The following ZFYVE9 variants were observed in gnomAD, a reference collection of about 807,000 sequenced individuals.
The protein encoded by ZFYVE9 is zinc finger FYVE domain-containing protein 9.
A neutral mutation model predicts 126.7 loss-of-function variants in ZFYVE9; 43 were observed. The ratio of observed to expected loss-of-function variants is 0.34; its 90% CI spans 0.27 to 0.44. The LOEUF is 0.44. Ranked by LOEUF, ZFYVE9 falls within the 20% of genes least tolerant of loss-of-function variation. The pLI is 1.00. For synonymous variants in ZFYVE9, 521 were observed against 597.4 expected, an observed-to-expected ratio of 0.87 and a Z score of 1.87; for missense variants, 1,476 against 1,697.0, an observed-to-expected ratio of 0.87 and a Z score of 2.29.
intron 6 of ZFYVE9, 85 bp downstream of exon 6, chr1:52,266,916 TAAA>T: frequency 7.8e-7 from 1 of 1,274,436 alleles, no homozygotes; most frequent in South Asian, 1.7e-5. Context: ...GCACAAGTCT[TAAA>T]AAACACTGCA....
chr1:52,209,442 C>T (rs1281356619), intron 1 of ZFYVE9, among the ~76,000 whole-genome samples: 1 of 151,982 alleles, frequency 6.6e-6, no homozygotes, highest in East Asian at 1.9e-4. Context: ...ATTTATAATT[C>T]CAGAACATTT....
At position 52,238,029 on chromosome 1, in the gene ZFYVE9, A is replaced by C; in HGVS notation, c.612A>C (p.Glu204Asp). Reference protein sequence around the residue: ...QFSFSINESTEKDMNSEKQMD... With the variant: ...QFSFSINESTDKDMNSEKQMD... The stretch of plus-strand genomic sequence containing the variant: ...GTTTTAGTATAAATGAGTCCACTGA[A>C]AAAGATATGAATTCAGAGAAACAAA... Residue 204 changes from glutamate to aspartate, a missense_variant, in exon 4 of 19, where the codon GAA becomes GAC. Glu to Asp is a conservative substitution (Grantham distance 45, BLOSUM62 2). This residue lies in a region of ZFYVE9 where 807 missense variants were observed against 794.6 expected (regional missense o/e 1.02). Transcript: ENST00000287727. 6.2e-7 allele frequency: 1 copy of C among 1,613,980 alleles called. No homozygotes were observed. The highest frequency in any genetic ancestry group is 8.5e-7 in the Non-Finnish European group (1 of 1,179,940).
intron 4 of ZFYVE9, among the ~76,000 whole-genome samples, chr1:52,255,900 TTTCTTTTCTTTTCTTTTCTTTTC>T (rs1645503511): frequency 4.0e-5 from 1 of 25,008 alleles, no homozygotes; most frequent in Non-Finnish European, 8.3e-5. Flanking sequence ...ATTTTGCTTT[TTTCTTTTCTTTTCTTTTCTTTTC>T]TTTTCTTTTC....
At chr1:52,144,752 T>TATA (rs1420134926) in intron 1 of ZFYVE9, among the ~76,000 whole-genome samples, 1 of 152,128 alleles carries the variant, frequency 6.6e-6, no homozygotes, top group Non-Finnish European at 1.5e-5. Context: ...AACCATTTAT[T>TATA]GAGAGCCTCC....
chr1:52,289,423 T>C (rs144998587), intron 10 of ZFYVE9, among the ~76,000 whole-genome samples: 1 of 152,222 alleles, frequency 6.6e-6, no homozygotes, highest in Non-Finnish European at 1.5e-5. Flanking sequence ...AAAATTACTT[T>C]ATAAACCATT....
chr1:52,195,002 A>C (rs1644847450), intron 1 of ZFYVE9, among the ~76,000 whole-genome samples: 1 of 152,182 alleles, frequency 6.6e-6, no homozygotes, highest in Non-Finnish European at 1.5e-5. Flanking sequence ...TTATAATAAT[A>C]TATAACAATA....
intron 1 of ZFYVE9, among the ~76,000 whole-genome samples, chr1:52,206,646 G>A (rs1218772416): frequency 6.6e-6 from 1 of 152,222 alleles, no homozygotes; most frequent in African/African-American, 2.4e-5. Context: ...CACCTCCCAG[G>A]TTCAAGCATT....
intron 13 of ZFYVE9, among the ~76,000 whole-genome samples, chr1:52,320,015 CAAAAAA>C (rs199572576): frequency 2.2e-5 from 3 of 134,506 alleles, no homozygotes; most frequent in Admixed American, 7.4e-5. Context: ...GATTCTGTCT[CAAAAAA>C]AAAAAAAAAA....
chr1:52,173,330 T>C (rs1644591183), intron 1 of ZFYVE9, among the ~76,000 whole-genome samples: 2 of 152,170 alleles, frequency 1.3e-5, no homozygotes, highest in African/African-American at 2.4e-5. Flanking sequence ...ATTGAACTGG[T>C]CTTGCATCCC....
At chr1:52,172,057 A>G (rs1186284560) in intron 1 of ZFYVE9, among the ~76,000 whole-genome samples, 1 of 151,982 alleles carries the variant, frequency 6.6e-6, no homozygotes, top group Non-Finnish European at 1.5e-5. Flanking sequence ...TTGGTGTTTT[A>G]GACATGAAGT....
At chr1:52,215,926 A>G (rs770211616) in intron 1 of ZFYVE9, among the ~76,000 whole-genome samples, 2 of 152,228 alleles carry the variant, frequency 1.3e-5, no homozygotes, top group African/African-American at 2.4e-5. Flanking sequence ...TAAAAATCAC[A>G]ACTGGAAACT....
At chr1:52,227,878 A>T (rs553077376) in intron 2 of ZFYVE9, among the ~76,000 whole-genome samples, 1 of 152,180 alleles carries the variant, frequency 6.6e-6, no homozygotes, top group East Asian at 1.9e-4. Flanking sequence ...ATAAATTTCT[A>T]TGTTTGCAGC....
intron 2 of ZFYVE9, among the ~76,000 whole-genome samples, chr1:52,222,809 G>T (rs773872164): frequency 5.9e-5 from 9 of 152,192 alleles, no homozygotes; most frequent in Non-Finnish European, 8.8e-5. Flanking sequence ...CAGGTTTAAG[G>T]AAGTAAGTTT....
chr1:52,239,902 TAAGG>T (rs1572127229), intron 4 of ZFYVE9, among the ~76,000 whole-genome samples: 1 of 152,242 alleles, frequency 6.6e-6, no homozygotes, highest in East Asian at 1.9e-4. Context: ...TAGTTTGAAA[TAAGG>T]AAGTTATTCT....
intron 1 of ZFYVE9, among the ~76,000 whole-genome samples, chr1:52,196,173 C>T (rs1406594099): frequency 6.6e-6 from 1 of 152,200 alleles, no homozygotes; most frequent in Non-Finnish European, 1.5e-5. Context: ...GACTTGTACA[C>T]TACTGGCCAG....
At chr1:52,161,411 T>C (rs1024021229) in intron 1 of ZFYVE9, among the ~76,000 whole-genome samples, 2 of 152,148 alleles carry the variant, frequency 1.3e-5, no homozygotes, top group African/African-American at 4.8e-5. Flanking sequence ...TGCCTCAGCC[T>C]CCTGAGTAGC....
intron 2 of ZFYVE9, among the ~76,000 whole-genome samples, chr1:52,221,502 T>C (rs533907200): frequency 4.5e-4 from 68 of 152,204 alleles, no homozygotes; most frequent in Non-Finnish European, 4.7e-4. Context: ...CAGTAAGCCA[T>C]CTCTCTGCCT....
chr1:52,154,144 G>A (rs1428519589), intron 1 of ZFYVE9, among the ~76,000 whole-genome samples: 2 of 152,182 alleles, frequency 1.3e-5, no homozygotes, highest in South Asian at 4.1e-4. Context: ...TTGATTAAGT[G>A]CTGTATAAGT....
chr1:52,312,951 A>G (rs1315576880), intron 13 of ZFYVE9, among the ~76,000 whole-genome samples: 1 of 152,198 alleles, frequency 6.6e-6, no homozygotes, highest in Non-Finnish European at 1.5e-5. Flanking sequence ...TCATTAGAGC[A>G]GGTCGAAATC....
Sources: gnomAD v4.1 joint callset for allele counts (sites outside exome capture counted in the v4.1 genomes callset) on GRCh38, gnomAD v4.1.1 for gene constraint, gnomAD v4.1.1 regional missense constraint, MANE v1.5 for transcripts, NCBI Gene and HGNC (gene_info 2026-07-23, HGNC 2026-07-21) for gene names.